Variants in COBLL1 observed in about 807,000 individuals in gnomAD.
The protein encoded by COBLL1 is cordon-bleu protein-like 1.
Under a neutral mutation model 94.8 loss-of-function variants are expected in COBLL1, and 50 were observed. The observed-to-expected ratio is 0.53, with a 90% CI of 0.42 to 0.67. The LOEUF (loss-of-function observed/expected upper bound fraction) is 0.67, where lower values mean the gene tolerates loss of function less well. Among genes scored for constraint, COBLL1 ranks in the 30% least tolerant of loss-of-function variants. COBLL1 has a pLI of 0.00. For missense variants in COBLL1, 1,362 were observed against 1,348.7 expected (o/e 1.01, Z -0.15); for synonymous variants, 448 against 473.8 (o/e 0.95, Z 0.71).
intron 2 of COBLL1, among the ~76,000 whole-genome samples, chr2:164,661,620 A>G (rs1426518693): frequency 3.9e-5 from 6 of 152,120 alleles, no homozygotes; most frequent in Non-Finnish European, 8.8e-5. Flanking sequence ...ACTGATTACT[A>G]TCTTTCCAGT....
intron 2 of COBLL1, among the ~76,000 whole-genome samples, chr2:164,784,894 T>C (rs1688880792): frequency 1.3e-5 from 2 of 152,088 alleles, no homozygotes; most frequent in Admixed American, 1.3e-4. Context: ...CCTTTCTAAG[T>C]TGTGTTAGAA....
chr2:164,823,851 C>A (rs1685302238), intron 2 of COBLL1, among the ~76,000 whole-genome samples: 1 of 152,154 alleles, frequency 6.6e-6, no homozygotes, highest in Admixed American at 6.5e-5. Flanking sequence ...GTTCTGGAAT[C>A]ACCTTCACCC....
intron 3 of COBLL1, among the ~76,000 whole-genome samples, 195 bp from the exon 4 acceptor site, chr2:164,730,310 C>G (rs539860907): frequency 4.7e-5 from 7 of 149,536 alleles, no homozygotes; most frequent in African/African-American, 1.2e-4. Context: ...GGCAACATGG[C>G]AAGACCCTGT....
intron 2 of COBLL1, among the ~76,000 whole-genome samples, chr2:164,798,500 C>A (rs1272362593): frequency 6.6e-6 from 1 of 152,166 alleles, no homozygotes; most frequent in African/African-American, 2.4e-5. Flanking sequence ...GGTTATCTTT[C>A]CCTAATCAAT....
chr2:164,665,553 C>G (rs1213728277), intron 2 of COBLL1, among the ~76,000 whole-genome samples: 1 of 151,310 alleles, frequency 6.6e-6, no homozygotes, highest in Non-Finnish European at 1.5e-5. Flanking sequence ...TATTATCAAT[C>G]TTTTCTAAAA....
In COBLL1 at chr2:164,661,679, A is replaced by G. The variant is rs73968208; in HGVS notation, n.181+4168T>C. On this transcript the variant is annotated intron_variant and non_coding_transcript_variant, in intron 2 of 2. Coordinates refer to the COBLL1 transcript ENST00000495084. ...GTATTTTCATGAGAATCACACTTCAATGTGCCATTTTAAATATTGAAATAG... is the reference window on the plus strand; with the variant it reads ...GTATTTTCATGAGAATCACACTTCAGTGTGCCATTTTAAATATTGAAATAG... Among the ~76,000 whole-genome samples the G allele has an allele frequency of 2.3e-3, 357 of 152,258 alleles. 1 individual carries two copies. The highest frequency in any genetic ancestry group is 8.1e-3 in the African/African-American group (338 of 41,566).
At chr2:164,702,780 T>C (rs1223168642) in intron 9 of COBLL1, among the ~76,000 whole-genome samples, 1 of 151,906 alleles carries the variant, frequency 6.6e-6, no homozygotes, top group Non-Finnish European at 1.5e-5. Context: ...GAGTAGCTGG[T>C]ATTTTAAGTG....
intron 12 of COBLL1, among the ~76,000 whole-genome samples, chr2:164,693,297 T>C (rs1372469098): frequency 1.3e-5 from 2 of 152,088 alleles, no homozygotes; most frequent in East Asian, 3.8e-4. Flanking sequence ...GTAATAAACA[T>C]AAATGTAAAA....
At chr2:164,694,248 T>G in intron 12 of COBLL1, 21 bp downstream of exon 12, 1 of 1,587,192 alleles carries the variant, frequency 6.3e-7, no homozygotes, top group Non-Finnish European at 8.6e-7. Context: ...GAATACTTAT[T>G]TTTAAAAAGG....
At chr2:164,802,111 GTTAT>G (rs1489201683) in intron 2 of COBLL1, among the ~76,000 whole-genome samples, 4 of 152,140 alleles carry the variant, frequency 2.6e-5, no homozygotes, top group African/African-American at 7.2e-5. Context: ...TTTTATATTT[GTTAT>G]TTAGTCAACT....
At chr2:164,729,131 C>A (rs1382651198) in intron 4 of COBLL1, among the ~76,000 whole-genome samples, 1 of 151,590 alleles carries the variant, frequency 6.6e-6, no homozygotes, top group East Asian at 1.9e-4. Context: ...AATATTAAAT[C>A]ATATATTGTA....
chr2:164,791,094 C>A (rs999564852), intron 2 of COBLL1, among the ~76,000 whole-genome samples: 62 of 152,112 alleles, frequency 4.1e-4, no homozygotes, highest in Non-Finnish European at 7.8e-4. Context: ...TGATTCTCTG[C>A]AGCCTATCTT....
At chr2:164,737,260 C>T (rs960298836) in intron 3 of COBLL1, among the ~76,000 whole-genome samples, 1 of 152,104 alleles carries the variant, frequency 6.6e-6, no homozygotes, top group Admixed American at 6.6e-5. Flanking sequence ...AAGAGGGTGG[C>T]CCTGCCAGGA....
chr2:164,794,149 G>T (rs1054965479), intron 2 of COBLL1, among the ~76,000 whole-genome samples: 1 of 152,152 alleles, frequency 6.6e-6, no homozygotes, highest in Non-Finnish European at 1.5e-5. Flanking sequence ...CATTTAAGGT[G>T]CCAATTCCTT....
chr2:164,723,894 G>A (rs560530451), intron 5 of COBLL1: 2 of 152,452 alleles, frequency 1.3e-5, no homozygotes, highest in African/African-American at 4.8e-5. Context: ...CTCGGTTCAA[G>A]CGATTCTCCT....
chr2:164,717,674 C>T (rs1439159907), intron 7 of COBLL1, among the ~76,000 whole-genome samples: 1 of 152,236 alleles, frequency 6.6e-6, no homozygotes, highest in Non-Finnish European at 1.5e-5. Flanking sequence ...CCACCTCAGC[C>T]TCCTGAGTAG....
rs532340066 is a variant in COBLL1 at position 164,705,414 on chromosome 2, G to A, written c.997-309C>T. Reference sequence around the variant, plus strand: ...AAACCTAACTTTTAAAGAAAAATCTGGAGACATTAAAAGGAAGGGATGAAA... The same window carrying A: ...AAACCTAACTTTTAAAGAAAAATCTAGAGACATTAAAAGGAAGGGATGAAA... On this transcript the variant is annotated intron_variant, in intron 7 of 13. Coordinates refer to ENST00000652658, the MANE Select transcript of COBLL1 (RefSeq NM_001365672.2). 12 of 208,124 alleles carry A rather than the reference G, an allele frequency of 5.8e-5. No individual in the cohort carries two copies. In the South Asian group the frequency reaches 9.3e-4, roughly 16 times the overall value. The allele number at this position is 208,124 out of a possible 1,614,324, so 12.9% of individuals were successfully genotyped here.
At chr2:164,761,606 A>C (rs1687690399) in intron 2 of COBLL1, among the ~76,000 whole-genome samples, 1 of 152,232 alleles carries the variant, frequency 6.6e-6, no homozygotes, top group Admixed American at 6.5e-5. Context: ...TCACATATTT[A>C]AAATGTCTAT....
At chr2:164,698,648 A>G (rs1184813030) in intron 11 of COBLL1, among the ~76,000 whole-genome samples, 1 of 151,796 alleles carries the variant, frequency 6.6e-6, no homozygotes, top group Non-Finnish European at 1.5e-5. Flanking sequence ...GTATCTCAGG[A>G]TTCTGTTAGG....
Sources: gnomAD v4.1 joint callset for allele counts (sites outside exome capture counted in the v4.1 genomes callset) on GRCh38, gnomAD v4.1.1 for gene constraint, MANE v1.5 for transcripts, NCBI Gene and HGNC (gene_info 2026-07-23, HGNC 2026-07-21) for gene names.